The following MITF variants were observed in gnomAD, a reference collection of about 807,000 sequenced individuals.
MITF encodes the protein microphthalmia-associated transcription factor.
MITF carries 17 observed loss-of-function variants against 60.5 expected under a neutral mutation model. The ratio of observed to expected loss-of-function variants is 0.28; its 90% CI spans 0.19 to 0.42. The LOEUF is 0.42. MITF is among the 10% of genes least tolerant of loss of function. MITF has a pLI of 1.00. For synonymous variants in MITF, 260 were observed against 248.5 expected (o/e 1.05, Z -0.43); for missense variants, 622 against 683.5 (o/e 0.91, Z 1.00).
intron 1 of MITF, among the ~76,000 whole-genome samples, chr3:69,859,943 A>G (rs7623486): frequency 0.19 from 28,292 of 152,060 alleles, 2,662 homozygotes; most frequent in African/African-American, 0.22. Flanking sequence ...CCCCACACTG[A>G]TGACGGCCTT....
intron 7 of MITF, among the ~76,000 whole-genome samples, chr3:69,955,752 C>T (rs548194334): frequency 8.0e-4 from 121 of 151,982 alleles, no homozygotes; most frequent in African/African-American, 2.7e-3. Context: ...AGATGGAGGT[C>T]GCAGTGAGCT....
intron 2 of MITF, among the ~76,000 whole-genome samples, chr3:69,896,767 G>A (rs999680975): frequency 6.6e-6 from 1 of 152,320 alleles, no homozygotes. Context: ...ATGTATGTAA[G>A]TACCTAGCAC....
intron 3 of MITF, chr3:69,938,548 G>C (rs542864229): frequency 4.3e-6 from 6 of 1,409,328 alleles, no homozygotes; most frequent in Middle Eastern, 4.6e-4. Context: ...TAGCACATGA[G>C]ACTTTAACGG....
At chr3:69,851,036 A>G (rs1466913485) in intron 1 of MITF, among the ~76,000 whole-genome samples, 2 of 152,174 alleles carry the variant, frequency 1.3e-5, no homozygotes, top group Non-Finnish European at 2.9e-5. Flanking sequence ...AGCAATGATG[A>G]ATAGTTACAC....
At chr3:69,832,112 T>C (rs1258394109) in intron 1 of MITF, among the ~76,000 whole-genome samples, 1 of 152,176 alleles carries the variant, frequency 6.6e-6, no homozygotes. Flanking sequence ...ACAATACATG[T>C]CATTTTGTTC....
chr3:69,827,434 T>C (rs994425004), intron 1 of MITF, among the ~76,000 whole-genome samples: 1 of 152,214 alleles, frequency 6.6e-6, no homozygotes, highest in African/African-American at 2.4e-5. Flanking sequence ...ATGAGCACTA[T>C]CCATTTGGGA....
At chr3:69,829,707 G>A in intron 1 of MITF, among the ~76,000 whole-genome samples, 1 of 151,854 alleles carries the variant, frequency 6.6e-6, no homozygotes, top group East Asian at 1.9e-4. Flanking sequence ...CCAACTGTCA[G>A]GTGATAGATT....
chr3:69,823,099 G>A (rs1252776182), intron 1 of MITF, among the ~76,000 whole-genome samples: 3 of 152,032 alleles, frequency 2.0e-5, no homozygotes, highest in African/African-American at 4.8e-5. Context: ...GGCTGGTCTC[G>A]AACTCCTGAC....
At chr3:69,801,157 A>G (rs2062913299) in intron 1 of MITF, among the ~76,000 whole-genome samples, 1 of 151,730 alleles carries the variant, frequency 6.6e-6, no homozygotes, top group Non-Finnish European at 1.5e-5. Context: ...GAAATCCTGT[A>G]GAAAAAGCTC....
At chr3:69,807,584 T>A (rs188295522) in intron 1 of MITF, among the ~76,000 whole-genome samples, 9 of 152,364 alleles carry the variant, frequency 5.9e-5, no homozygotes. Flanking sequence ...GTCTTGCTTG[T>A]CTACAACAAC....
rs2107559297 is a variant in MITF at position 69,967,690 on chromosome 3, T to A, written c.*2442T>A. On this transcript the variant is annotated 3_prime_UTR_variant, in exon 10 of 10. Transcript: ENST00000352241. ...TGGCAGGTGAGCAAGCCCAGGAGAA[T>A]GCTGCAATCTTGGGGGTGGTTTTAT... is the stretch of plus-strand genomic sequence containing the variant. 1 of 233,134 alleles carries A rather than the reference T, an allele frequency of 4.3e-6. No homozygotes were observed. The highest frequency in any genetic ancestry group is 5.6e-5 in the Admixed American group (1 of 17,786). The allele number at this position is 233,134 out of a possible 1,614,324, so 14.4% of individuals were successfully genotyped here.
rs34103766 is a variant in MITF at position 69,820,466 on chromosome 3, ATT to A, written c.105-58658_105-58657del. On this transcript the variant is annotated intron_variant, in intron 1 of 9. Transcript: ENST00000352241. ...ATGTAGCAATGAAAACAAGAGTAGG[ATT>A]TTTTTTTTTCAGTTGTAAAAGAAAT... is the stretch of plus-strand genomic sequence containing the variant. 6.6e-3 allele frequency among the ~76,000 whole-genome samples: 988 copies of A among 150,656 alleles called. 10 individuals carry two copies. Among genetic ancestry groups the A allele is most frequent in the Non-Finnish European group, 1.0e-2 (676 of 67,680 alleles).
At chr3:69,854,996 T>C (rs2063891086) in intron 1 of MITF, among the ~76,000 whole-genome samples, 1 of 152,198 alleles carries the variant, frequency 6.6e-6, no homozygotes, top group African/African-American at 2.4e-5. Flanking sequence ...GGTTGGTGAC[T>C]GTGAACAGTG....
chr3:69,889,280 G>C (rs2064703940), intron 2 of MITF, among the ~76,000 whole-genome samples: 2 of 151,638 alleles, frequency 1.3e-5, no homozygotes, highest in Non-Finnish European at 2.9e-5. Flanking sequence ...CGATTAGGCT[G>C]TCTTTGATTC....
intron 1 of MITF, among the ~76,000 whole-genome samples, chr3:69,802,442 G>A (rs147094194): frequency 4.6e-5 from 7 of 152,116 alleles, no homozygotes; most frequent in African/African-American, 1.4e-4. Context: ...TCCAGGGAGT[G>A]AAATAAAGTT....
chr3:69,961,225 A>G (rs1372834992), intron 9 of MITF, among the ~76,000 whole-genome samples: 1 of 151,598 alleles, frequency 6.6e-6, no homozygotes, highest in East Asian at 2.0e-4. Context: ...TCTACTAAAA[A>G]TAGAAAAATT....
chr3:69,953,613 A>G (rs1479371305), intron 7 of MITF, among the ~76,000 whole-genome samples: 20 of 130,578 alleles, frequency 1.5e-4, no homozygotes, highest in Admixed American at 1.1e-3. Context: ...ATGTATATGT[A>G]TATATATATA....
At chr3:69,907,976 A>AT (rs1344719772) in intron 2 of MITF, among the ~76,000 whole-genome samples, 1 of 152,200 alleles carries the variant, frequency 6.6e-6, no homozygotes, top group Non-Finnish European at 1.5e-5. Context: ...TTATTTTAAG[A>AT]GTTTCATTTC....
At chr3:69,771,348 C>T (rs147144489) in intron 1 of MITF, among the ~76,000 whole-genome samples, 3 of 152,026 alleles carry the variant, frequency 2.0e-5, no homozygotes, top group African/African-American at 4.8e-5. Context: ...TCTTGTCAGG[C>T]GCTCTGACTT....
Sources: allele counts gnomAD v4.1 joint callset (sites outside exome capture counted in the v4.1 genomes callset), GRCh38; gene constraint gnomAD v4.1.1; transcripts MANE v1.5; gene names NCBI Gene and HGNC (gene_info 2026-07-23, HGNC 2026-07-21).